PTPRT: variants seen among roughly 807,000 people sequenced by gnomAD.
PTPRT encodes the protein receptor-type tyrosine-protein phosphatase T.
PTPRT carries 56 observed loss-of-function variants against 176.8 expected under a neutral mutation model. That is an observed-to-expected ratio of 0.32 (90% CI 0.26 to 0.40). The LOEUF is 0.40. PTPRT is among the 10% of genes least tolerant of loss of function. The pLI is 1.00. For synonymous variants in PTPRT, 783 were observed against 739.0 expected (o/e 1.06, Z -0.96); for missense variants, 1,540 against 1,908.2 (o/e 0.81, Z 3.60).
chr20:42,622,680 A>G (rs2074220573), intron 7 of PTPRT, among the ~76,000 whole-genome samples: 1 of 152,136 alleles, frequency 6.6e-6, no homozygotes, highest in Non-Finnish European at 1.5e-5. Context: ...GTGTAGAACA[A>G]TAGATGTCGA....
In PTPRT at chr20:42,731,975, G is replaced by A. The variant is rs78078178; in HGVS notation, c.859+24487C>T. ...AAGAAGCTTCTCTTGTCCACTTACC[G>A]AAGGGAGCCCCCTACTTACTTTCTG... On this transcript the variant is annotated intron_variant, in intron 6 of 30. Coordinates refer to ENST00000373187, the MANE Select transcript of PTPRT (RefSeq NM_007050.6). Among the ~76,000 whole-genome samples, 1,307 of 152,182 alleles carry A rather than the reference G, an allele frequency of 8.6e-3. 9 individuals are homozygous for A. The highest frequency in any genetic ancestry group is 0.013 in the Non-Finnish European group (908 of 68,020).
rs78447007 is a variant in PTPRT at position 43,075,044 on chromosome 20, A to G, written c.88+114602T>C. Reference sequence around the variant, plus strand: ...ACAGAGCCTCTGGGGAGATCTCTGCATGGATGCAGAACATAAACATCCAGC... The same window carrying G: ...ACAGAGCCTCTGGGGAGATCTCTGCGTGGATGCAGAACATAAACATCCAGC... On this transcript the variant is annotated intron_variant, in intron 1 of 30. Transcript: ENST00000373187. 3.9e-5 allele frequency among the ~76,000 whole-genome samples: 6 copies of G among 152,348 alleles called. No individual in the cohort carries two copies. The East Asian group carries it at 1.2e-3, about 29-fold the overall frequency.
chr20:42,690,344 G>C (rs2075772309), intron 6 of PTPRT, among the ~76,000 whole-genome samples: 1 of 152,142 alleles, frequency 6.6e-6, no homozygotes, highest in African/African-American at 2.4e-5. Flanking sequence ...CAGACAGGGG[G>C]ACCAATAAGG....
chr20:42,816,038 G>A (rs565342038), intron 2 of PTPRT, among the ~76,000 whole-genome samples: 2 of 152,190 alleles, frequency 1.3e-5, no homozygotes, highest in African/African-American at 4.8e-5. Context: ...TTCAGGCTGG[G>A]AGCTGGCACA....
chr20:42,098,602 A>G lies in PTPRT; in HGVS notation c.3715-50T>C, dbSNP rs762445293. On this transcript the variant is annotated intron_variant, in intron 26 of 30. Transcript: ENST00000373187. ...CGTAAATTACACATCCATCAGTGAT[A>G]TTCTGATGATGATGAGGCCTGGACT... 6.8e-6 allele frequency: 11 copies of G among 1,608,048 alleles called. No individual in the cohort carries two copies. The Admixed American group carries it at 1.5e-4, about 22-fold the overall frequency.
chr20:42,148,050 T>C lies in PTPRT; in HGVS notation c.2683-6048A>G, dbSNP rs558396964. ...TTTTTCCATTAGTGGCTAGTTACAG[T>C]AGATTGACCAGGGAATGGTGGCAGT... On this transcript the variant is annotated intron_variant, in intron 17 of 30. Transcript: ENST00000373187. 2.0e-5 allele frequency among the ~76,000 whole-genome samples: 3 copies of C among 152,326 alleles called. No individual in the cohort carries two copies. The South Asian group carries it at 6.2e-4, about 32-fold the overall frequency.
chr20:42,443,395 G>C (rs2059336177), intron 9 of PTPRT, among the ~76,000 whole-genome samples: 1 of 152,216 alleles, frequency 6.6e-6, no homozygotes, highest in Non-Finnish European at 1.5e-5. Flanking sequence ...AATGATGCTA[G>C]TTTGTGGACA....
chr20:42,474,719 A>G (rs945309284), intron 7 of PTPRT, among the ~76,000 whole-genome samples: 3 of 152,182 alleles, frequency 2.0e-5, no homozygotes, highest in Admixed American at 6.5e-5. Flanking sequence ...ACCGACTGCA[A>G]TGAGAGCAGA....
intron 19 of PTPRT, among the ~76,000 whole-genome samples, chr20:42,124,810 CTG>C (rs1392386575): frequency 6.6e-6 from 1 of 152,200 alleles, no homozygotes; most frequent in Non-Finnish European, 1.5e-5. Context: ...ATAGTGGTAA[CTG>C]TGCAAGGAGT....
intron 13 of PTPRT, among the ~76,000 whole-genome samples, chr20:42,281,062 C>T (rs548792297): frequency 4.6e-5 from 7 of 152,212 alleles, no homozygotes; most frequent in African/African-American, 1.4e-4. Flanking sequence ...AGTTTCCTTC[C>T]CTCTCCAGCT....
intron 5 of PTPRT, among the ~76,000 whole-genome samples, chr20:42,765,246 G>C (rs575991398): frequency 6.6e-6 from 1 of 152,322 alleles, no homozygotes; most frequent in East Asian, 1.9e-4. Flanking sequence ...CTGAGAGTCA[G>C]CTCCATGGTG....
At chr20:42,043,495 G>A in the PTPRT span, among the ~76,000 whole-genome samples, 1 of 152,086 alleles carries the variant, frequency 6.6e-6, no homozygotes, top group East Asian at 1.9e-4. Flanking sequence ...TAGAGATGAG[G>A]GGTGAGTTCT....
intron 1 of PTPRT, among the ~76,000 whole-genome samples, chr20:43,041,847 G>A (rs566399560): frequency 6.6e-6 from 1 of 152,290 alleles, no homozygotes; most frequent in South Asian, 2.1e-4. Flanking sequence ...GCTACACTGG[G>A]AAAATTGAGT....
At chr20:42,117,301 C>T (rs1255787648) in intron 21 of PTPRT, among the ~76,000 whole-genome samples, 1 of 152,198 alleles carries the variant, frequency 6.6e-6, no homozygotes, top group Non-Finnish European at 1.5e-5. Flanking sequence ...CTTACCCAAA[C>T]AAAAACTTAC....
At chr20:42,743,147 T>A (rs1569127797) in intron 6 of PTPRT, among the ~76,000 whole-genome samples, 1 of 152,204 alleles carries the variant, frequency 6.6e-6, no homozygotes, top group Non-Finnish European at 1.5e-5. Flanking sequence ...GCCTGCTCCG[T>A]ACCACCAGGC....
intron 2 of PTPRT, among the ~76,000 whole-genome samples, chr20:42,882,132 T>G (rs2079021036): frequency 6.6e-6 from 1 of 152,160 alleles, no homozygotes; most frequent in African/African-American, 2.4e-5. Flanking sequence ...GACTCAAACT[T>G]GACTTCCAAG....
intron 1 of PTPRT, among the ~76,000 whole-genome samples, chr20:43,120,239 A>G (rs917789216): frequency 8.6e-5 from 13 of 151,692 alleles, no homozygotes; most frequent in African/African-American, 3.1e-4. Context: ...CAATTATAAT[A>G]CTGGGAGTGC....
At chr20:43,008,804 G>A (rs745416048) in intron 1 of PTPRT, among the ~76,000 whole-genome samples, 103 of 152,140 alleles carry the variant, frequency 6.8e-4, no homozygotes, top group South Asian at 4.1e-4. Context: ...GGCTCCTAGT[G>A]AGCCCAGAGA....
chr20:42,416,309 T>G (rs1318221228), intron 9 of PTPRT, among the ~76,000 whole-genome samples: 1 of 152,166 alleles, frequency 6.6e-6, no homozygotes, highest in Non-Finnish European at 1.5e-5. Context: ...CAAATTATCC[T>G]TCTGAGCCTG....
Sources: gnomAD v4.1 joint callset for allele counts (sites outside exome capture counted in the v4.1 genomes callset) on GRCh38, gnomAD v4.1.1 for gene constraint, MANE v1.5 for transcripts, NCBI Gene and HGNC (gene_info 2026-07-23, HGNC 2026-07-21) for gene names.